GGA1: variants seen among roughly 807,000 people sequenced by gnomAD.
GGA1 encodes the protein golgi associated, gamma adaptin ear containing, ARF binding protein 1.
In GGA1, 18 loss-of-function variants were observed where a neutral mutation model predicts 76.9. That is an observed-to-expected ratio of 0.23 (90% confidence interval 0.16 to 0.35). The LOEUF (loss-of-function observed/expected upper bound fraction) is 0.35, where lower values mean the gene tolerates loss of function less well. Ranked by LOEUF, GGA1 falls within the 10% of genes least tolerant of loss-of-function variation. GGA1 has a pLI of 1.00. For missense variants in GGA1, 755 were observed against 859.0 expected (o/e 0.88, Z 1.51); for synonymous variants, 342 against 354.7 (o/e 0.96, Z 0.40).
At chr22:37,629,875 C>T (rs2145994360) in intron 12 of GGA1, 123 bp from the exon 13 acceptor site, 2 of 748,048 alleles carry the variant, frequency 2.7e-6, no homozygotes, top group South Asian at 3.6e-5. Flanking sequence ...TCTGGGGTCC[C>T]CACCTCTGTG....
chr22:37,632,004 C>T lies in GGA1; in HGVS notation c.1537C>T (p.Leu513=), dbSNP rs1453477857. Residue 513 remains leucine (L), a synonymous_variant, in exon 15 of 17, where the codon CTG becomes TTG. Coordinates refer to ENST00000343632, the MANE Select transcript of GGA1 (RefSeq NM_013365.5). The surrounding 1 kb of genome is among the most constrained non-coding windows in gnomAD (Gnocchi z 5.1). Reference sequence around the variant, plus strand: ...CCCACCTTCTCCCACAGGCAACATCCTGCCCGTGACTGTGTATGACCAGCA... The same window carrying T: ...CCCACCTTCTCCCACAGGCAACATCTTGCCCGTGACTGTGTATGACCAGCA... The part of the protein sequence containing the change: ...PLESIKPSNI[L]PVTVYDQHGF... 2 of 1,607,894 alleles carry T rather than the reference C, an allele frequency of 1.2e-6. No homozygotes were observed. The highest frequency in any genetic ancestry group is 2.7e-5 in the African/African-American group (2 of 74,864).
chr22:37,631,956 C>T, intron 14 of GGA1, 40 bp from the exon 15 acceptor site: 1 of 1,559,868 alleles, frequency 6.4e-7, no homozygotes, highest in Non-Finnish European at 8.7e-7. Flanking sequence ...GGATGTGCTG[C>T]AGCTCAGCTG....
At chr22:37,614,324 C>G in intron 2 of GGA1, 50 bp downstream of exon 2, 3 of 1,301,402 alleles carry the variant, frequency 2.3e-6, no homozygotes, top group South Asian at 2.4e-5. Context: ...CTCCAGAACC[C>G]AGTCTCGGGT....
chr22:37,617,008 G>C lies in GGA1; in HGVS notation c.204+11G>C. The C allele has an allele frequency of 1.9e-6, 3 of 1,597,002 alleles. No homozygotes were observed. The highest frequency in any genetic ancestry group is 1.3e-5 in the African/African-American group (1 of 74,616). The stretch of plus-strand genomic sequence containing the variant: ...ATCCAGGCCTTGACGGTGAGAAGGG[G>C]AGAGGCCACCATCCGTCCCCCGCCA... On this transcript the variant is annotated intron_variant, in intron 3 of 16. Transcript: ENST00000343632.
At position 37,629,450 on chromosome 22, in the gene GGA1, CT is replaced by C. The variant is rs1931397710; in HGVS notation, c.1094-9del. ...GCCCAGCTCCTTCACCTCTCTCCTG[CT>C]TTCCCCTCAGGCCTCAGTGACCCCA... On this transcript the variant is annotated splice_polypyrimidine_tract_variant and intron_variant, in intron 11 of 16. Transcript: ENST00000343632. 6.3e-7 allele frequency: 1 copy of C among 1,588,236 alleles called. No homozygotes were observed. The highest frequency in any genetic ancestry group is 1.7e-5 in the Admixed American group (1 of 57,418).
At chr22:37,613,042 T>A in intron 1 of GGA1, 1 of 985,388 alleles carries the variant, frequency 1.0e-6, no homozygotes, top group Non-Finnish European at 1.2e-6. Context: ...GGTGTGGACA[T>A]GAGTGGCTGG....
rs555610511 is a variant in GGA1 at position 37,625,807 on chromosome 22, G to A, written c.951G>A (p.Ser317=). The A allele has an allele frequency of 4.1e-5, 65 of 1,585,184 alleles. No individual in the cohort carries two copies. In the African/African-American group the frequency reaches 4.8e-4, roughly 12 times the overall value. ...TCTTTCCCACCCCAGGGAGCACCTC[G>A]GCCCTGCTGGATCTCTCAGGCCTGG... ...ATAGSIPGST[S]ALLDLSGLDL... is the part of the protein sequence containing the mutation. The change falls in exon 11 of 17, where the codon TCG becomes TCA. Residue 317 remains serine (S), a synonymous_variant. Coordinates refer to ENST00000343632, the MANE Select transcript of GGA1 (RefSeq NM_013365.5). The surrounding 1 kb of genome is among the most constrained non-coding windows in gnomAD (Gnocchi z 4.1).
chr22:37,613,215 G>C (rs1184746809), intron 1 of GGA1: 1 of 956,408 alleles, frequency 1.0e-6, no homozygotes, highest in East Asian at 1.2e-4. Flanking sequence ...TCCTTACTGA[G>C]GCCCCTCATT....
chr22:37,613,801 G>A (rs969090624), intron 1 of GGA1, among the ~76,000 whole-genome samples: 5 of 152,086 alleles, frequency 3.3e-5, no homozygotes, highest in African/African-American at 7.2e-5. Context: ...CCTTGAGGGC[G>A]GGACTATGAT....
intron 2 of GGA1, among the ~76,000 whole-genome samples, chr22:37,614,840 G>A (rs1017472776): frequency 6.6e-6 from 1 of 152,244 alleles, no homozygotes; most frequent in East Asian, 1.9e-4. Context: ...TTAGCTGGGC[G>A]TGGTGGCACG....
At position 37,623,294 on chromosome 22, in the gene GGA1, G is replaced by A; in HGVS notation, c.610-33G>A. The A allele has an allele frequency of 6.2e-7, 1 of 1,611,428 alleles. No individual in the cohort carries two copies. The highest frequency in any genetic ancestry group is 8.5e-7 in the Non-Finnish European group (1 of 1,177,704). On this transcript the variant is annotated intron_variant, in intron 7 of 16. Coordinates refer to ENST00000343632, the MANE Select transcript of GGA1 (RefSeq NM_013365.5). The surrounding 1 kb of genome is among the most constrained non-coding windows in gnomAD (Gnocchi z 4.6). Reference sequence around the variant, plus strand: ...GGGCAGTGCCTCGTCCAGGCCAAAGGTTCTCAGGGGCCCTTGGCCAATGTG... The same window carrying A: ...GGGCAGTGCCTCGTCCAGGCCAAAGATTCTCAGGGGCCCTTGGCCAATGTG...
chr22:37,630,362 C>T (rs760036453), intron 13 of GGA1, 192 bp downstream of exon 13: 10 of 541,138 alleles, frequency 1.8e-5, no homozygotes, highest in East Asian at 3.4e-5. Context: ...GGCCCACTGG[C>T]CTGGCCTCCC....
chr22:37,611,712 G>A (rs1339995246), intron 1 of GGA1, among the ~76,000 whole-genome samples: 1 of 152,192 alleles, frequency 6.6e-6, no homozygotes, highest in Non-Finnish European at 1.5e-5. Context: ...CCTGGGCTGT[G>A]TCCTTCCACA....
chr22:37,632,715 A>G lies in GGA1; in HGVS notation c.*4A>G. 1 of 1,539,722 alleles carries G rather than the reference A, an allele frequency of 6.5e-7. No homozygotes were observed. Among genetic ancestry groups the G allele is most frequent in the African/African-American group, 1.4e-5 (1 of 73,286 alleles). ...TGAAACCTGGGGTAGCCTCTAGAAC[A>G]GAGGGGCTGGGGAGAGGAAGGGGCA... On this transcript the variant is annotated 3_prime_UTR_variant, in exon 17 of 17. Coordinates refer to ENST00000343632, the MANE Select transcript of GGA1 (RefSeq NM_013365.5). The surrounding 1 kb of genome is among the most constrained non-coding windows in gnomAD (Gnocchi z 5.1).
At chr22:37,616,470 C>T (rs1364875847) in intron 2 of GGA1, among the ~76,000 whole-genome samples, 1 of 152,172 alleles carries the variant, frequency 6.6e-6, no homozygotes, top group African/African-American at 2.4e-5. Flanking sequence ...TAGATGATGT[C>T]ACCACCTCCA....
Position 37,620,315 on chromosome 22 carries a change from C to G in GGA1, c.381C>G (p.Pro127=), listed in dbSNP as rs766300187. Residue 127 remains proline (P), a synonymous_variant, in exon 5 of 17, where the codon CCC becomes CCG. Coordinates refer to ENST00000343632, the MANE Select transcript of GGA1 (RefSeq NM_013365.5). The stretch of plus-strand genomic sequence containing the variant: ...TCTACAGCTGGACAGTGGGCCTGCC[C>G]GAGGAGGTGAAAATCGCAGAGGCCT... The part of the protein sequence containing the change: ...ELLYSWTVGL[P]EEVKIAEAYQ... 1.9e-6 allele frequency: 3 copies of G among 1,613,852 alleles called. No homozygotes were observed. The highest frequency in any genetic ancestry group is 2.2e-5 in the South Asian group (2 of 91,068).
chr22:37,632,635 C>G lies in GGA1; in HGVS notation c.1844C>G (p.Thr615Ser). The G allele has an allele frequency of 6.2e-7, 1 of 1,613,446 alleles. No homozygotes were observed. The highest frequency in any genetic ancestry group is 8.5e-7 in the Non-Finnish European group (1 of 1,179,474). ...KVRLRYKLTF[T>S]MGDQTYNEMG... ...CGCCTCCGCTACAAGCTCACCTTCA[C>G]CATGGGTGACCAGACCTACAACGAG... The change falls in exon 17 of 17, where the codon ACC becomes AGC. Residue 615 changes from threonine (T) to serine (S), a missense_variant. Coordinates refer to ENST00000343632, the MANE Select transcript of GGA1 (RefSeq NM_013365.5). The surrounding 1 kb of genome is among the most constrained non-coding windows in gnomAD (Gnocchi z 5.1).
At chr22:37,614,928 G>A (rs184722007) in intron 2 of GGA1, among the ~76,000 whole-genome samples, 19 of 151,944 alleles carry the variant, frequency 1.3e-4, no homozygotes, top group Non-Finnish European at 2.6e-4. Flanking sequence ...GTAATGAGCC[G>A]AGATTGCGCC....
chr22:37,623,779 CCT>C lies in GGA1; in HGVS notation c.832+151_832+152del, dbSNP rs1930327543. 1 of 628,316 alleles carries C rather than the reference CCT, an allele frequency of 1.6e-6. No individual in the cohort carries two copies. The highest frequency in any genetic ancestry group is 2.9e-6 in the Non-Finnish European group (1 of 347,862). 38.9% of individuals were successfully genotyped at this position (628,316 alleles called of 1,614,324 possible). ...TCTCCAGCACCGACCTTGGGTTTCT[CCT>C]CTCTGAGGACACAGAGCAGGGGCCG... On this transcript the variant is annotated intron_variant, in intron 9 of 16. Coordinates refer to ENST00000343632, the MANE Select transcript of GGA1 (RefSeq NM_013365.5). This position sits in a 1 kb window ranked among gnomAD's most constrained non-coding sequence, Gnocchi z 4.6.
Sources: allele counts gnomAD v4.1 joint callset (sites outside exome capture counted in the v4.1 genomes callset), GRCh38; gene constraint gnomAD v4.1.1; non-coding constraint Gnocchi (gnomAD v3.1); transcripts MANE v1.5; gene names NCBI Gene and HGNC (gene_info 2026-07-23, HGNC 2026-07-21).